Variants in SREK1IP1 observed in about 807,000 individuals in gnomAD.
SREK1IP1 encodes the protein SREK1 interacting protein 1, also known as protein SREK1IP1.
A neutral mutation model predicts 22.8 loss-of-function variants in SREK1IP1; 12 were observed. That is an observed-to-expected ratio of 0.53 (90% CI 0.34 to 0.85). The LOEUF (loss-of-function observed/expected upper bound fraction) is 0.85. Ranked by LOEUF, SREK1IP1 falls within the 40% of genes least tolerant of loss-of-function variation. The probability of loss-of-function intolerance (pLI) is 0.02; values close to 1 mark genes in which losing one functional copy is unlikely to be tolerated. For synonymous variants in SREK1IP1, 53 were observed against 52.7 expected (o/e 1.01, Z -0.02); for missense variants, 147 against 171.8 (o/e 0.86, Z 0.81).
At position 64,735,053 on chromosome 5, in the gene SREK1IP1, T is replaced by G. The variant is rs150380223; in HGVS notation, c.205+6004A>C. ...TGTAACATTTTGGTTTTTTATAGAT[T>G]TTGTATGAAGTTAATGAAGTTCTCT... is the stretch of plus-strand genomic sequence containing the variant. On this transcript the variant is annotated intron_variant, in intron 3 of 4. Coordinates refer to ENST00000513458, the MANE Select transcript of SREK1IP1 (RefSeq NM_173829.4). Among the ~76,000 whole-genome samples, 609 of 152,178 alleles carry G rather than the reference T, an allele frequency of 4.0e-3. 2 individuals carry two copies. Among genetic ancestry groups the G allele is most frequent in the African/African-American group, 0.014 (567 of 41,564 alleles).
intron 3 of SREK1IP1, among the ~76,000 whole-genome samples, chr5:64,728,416 C>T (rs1209238627): frequency 6.6e-6 from 1 of 151,896 alleles, no homozygotes; most frequent in Admixed American, 6.6e-5. Flanking sequence ...ATGCAAGTAC[C>T]CCACCTCTAA....
chr5:64,726,351 G>A (rs535994116), intron 4 of SREK1IP1, among the ~76,000 whole-genome samples: 11 of 151,956 alleles, frequency 7.2e-5, no homozygotes, highest in African/African-American at 2.4e-4. Flanking sequence ...TGAGGCAGGC[G>A]GATCACAAGG....
At chr5:64,726,419 CA>C (rs1446572561) in intron 4 of SREK1IP1, among the ~76,000 whole-genome samples, 2 of 151,482 alleles carry the variant, frequency 1.3e-5, no homozygotes, top group African/African-American at 2.4e-5. Context: ...ACTAAAAATA[CA>C]AAAAAATTAG....
In SREK1IP1 at chr5:64,718,413, AT is replaced by A. The variant is rs564652125; in HGVS notation, c.*5970del. 357 of 154,592 alleles carry A rather than the reference AT, an allele frequency of 2.3e-3. 1 individual carries two copies. The highest frequency in any genetic ancestry group is 7.5e-3 in the African/African-American group (311 of 41,650). The allele number at this position is 154,592 out of a possible 1,614,324, so 9.6% of individuals were successfully genotyped here. On this transcript the variant is annotated 3_prime_UTR_variant, in exon 5 of 5. Transcript: ENST00000513458. ...TTATGAGATGGTACTGGATAGGTAA[AT>A]ATCAAGGGAACTGTCTTAAAAACTA...
In SREK1IP1 at chr5:64,724,170, C is replaced by T. The variant is rs1290406082; in HGVS notation, c.*214G>A. The T allele has an allele frequency of 4.9e-6, 2 of 410,670 alleles. No individual in the cohort carries two copies. The highest frequency in any genetic ancestry group is 4.1e-5 in the African/African-American group (2 of 48,668). The allele number at this position is 410,670 out of a possible 1,614,324, so 25.4% of individuals were successfully genotyped here. ...TATACACAAATAGCTATACTTGGGG[C>T]ATGGCTATCAAGTAACAAGACTGAT... is the stretch of plus-strand genomic sequence containing the variant. On this transcript the variant is annotated 3_prime_UTR_variant, in exon 5 of 5. Coordinates refer to ENST00000513458, the MANE Select transcript of SREK1IP1 (RefSeq NM_173829.4).
intron 1 of SREK1IP1, among the ~76,000 whole-genome samples, chr5:64,758,916 AATT>A (rs1163946017): frequency 6.6e-6 from 1 of 152,220 alleles, no homozygotes; most frequent in African/African-American, 2.4e-5. Context: ...TCTTTGGTTA[AATT>A]ATTATTTCAG....
At chr5:64,765,519 G>A (rs1171836953) in intron 1 of SREK1IP1, among the ~76,000 whole-genome samples, 3 of 152,126 alleles carry the variant, frequency 2.0e-5, no homozygotes, top group Non-Finnish European at 2.9e-5. Context: ...TTAATACCCT[G>A]TCTGGATCGA....
chr5:64,764,462 G>C (rs972728207), intron 1 of SREK1IP1, among the ~76,000 whole-genome samples: 1 of 152,168 alleles, frequency 6.6e-6, no homozygotes, highest in Non-Finnish European at 1.5e-5. Flanking sequence ...GAGGTTCACA[G>C]AATAATTGGC....
intron 3 of SREK1IP1, among the ~76,000 whole-genome samples, chr5:64,732,970 A>G (rs1742403267): frequency 6.6e-6 from 1 of 152,106 alleles, no homozygotes; most frequent in African/African-American, 2.4e-5. Flanking sequence ...ACTTTTTAAG[A>G]AATGGTGTTG....
At chr5:64,747,973 C>T (rs1742672091) in intron 2 of SREK1IP1, among the ~76,000 whole-genome samples, 1 of 152,028 alleles carries the variant, frequency 6.6e-6, no homozygotes, top group Admixed American at 6.6e-5. Context: ...TCAAAAAAAT[C>T]AACATAGTAA....
intron 4 of SREK1IP1, among the ~76,000 whole-genome samples, chr5:64,727,344 CAGTT>C (rs943134880): frequency 2.2e-5 from 3 of 135,992 alleles, no homozygotes; most frequent in Non-Finnish European, 4.4e-5. Flanking sequence ...CTTCTTTAAC[CAGTT>C]AGTTTTTAAA....
intron 4 of SREK1IP1, among the ~76,000 whole-genome samples, chr5:64,725,369 A>C (rs568410696): frequency 2.0e-5 from 3 of 152,322 alleles, no homozygotes; most frequent in Admixed American, 6.5e-5. Flanking sequence ...TCAAACTCAA[A>C]ATATGAGTGA....
chr5:64,730,918 C>A (rs966292224), intron 3 of SREK1IP1, among the ~76,000 whole-genome samples: 1 of 151,558 alleles, frequency 6.6e-6, no homozygotes, highest in Non-Finnish European at 1.5e-5. Flanking sequence ...AAGGCAGTTA[C>A]AGATATTTGC....
chr5:64,724,403 G>T lies in SREK1IP1; in HGVS notation c.449C>A (p.Ser150Tyr). The T allele has an allele frequency of 6.4e-7, 1 of 1,559,516 alleles. No homozygotes were observed. The highest frequency in any genetic ancestry group is 1.3e-5 in the South Asian group (1 of 79,964). ...TCTCAGTTACTTTCTGGAGAATTCA[G>T]AACTATTAGGTGTAGAAGAATGCTT... ...KEKHSSTPNS[S>Y]EFSRK The change falls in exon 5 of 5, where the codon TCT becomes TAT. Residue 150 changes from serine to tyrosine, a missense_variant. Transcript: ENST00000513458.
At chr5:64,747,192 T>G (rs1173543781) in intron 2 of SREK1IP1, among the ~76,000 whole-genome samples, 1 of 152,168 alleles carries the variant, frequency 6.6e-6, no homozygotes, top group African/African-American at 2.4e-5. Context: ...TAGGCGTGAT[T>G]GATTCAATCA....
At chr5:64,757,551 A>C (rs1742864167) in intron 1 of SREK1IP1, among the ~76,000 whole-genome samples, 1 of 152,244 alleles carries the variant, frequency 6.6e-6, no homozygotes, top group East Asian at 1.9e-4. Flanking sequence ...CATTGCATCC[A>C]GCTGATCTGA....
chr5:64,736,445 A>T (rs1742463622), intron 3 of SREK1IP1, among the ~76,000 whole-genome samples: 1 of 151,794 alleles, frequency 6.6e-6, no homozygotes, highest in Non-Finnish European at 1.5e-5. Flanking sequence ...ATTTGTTAGT[A>T]GGTGCATAAA....
At position 64,728,089 on chromosome 5, in the gene SREK1IP1, A is replaced by C; in HGVS notation, c.278+18T>G. The C allele has an allele frequency of 7.4e-7, 1 of 1,356,604 alleles. No individual in the cohort carries two copies. The highest frequency in any genetic ancestry group is 9.6e-7 in the Non-Finnish European group (1 of 1,044,516). 84.0% of individuals were successfully genotyped at this position (1,356,604 alleles called of 1,614,324 possible). A position where few individuals can be genotyped will look rare whatever the true frequency, so the allele number is the denominator to read the frequency against. On this transcript the variant is annotated intron_variant, in intron 4 of 4. Coordinates refer to ENST00000513458, the MANE Select transcript of SREK1IP1 (RefSeq NM_173829.4). ...TCATAGGCCTGCTTTGTTTTTTAAA[A>C]TGTTGTTCAAAAAATACCTTTTCCT...
intron 2 of SREK1IP1, among the ~76,000 whole-genome samples, chr5:64,747,222 T>C (rs1469912327): frequency 6.6e-6 from 1 of 152,182 alleles, no homozygotes; most frequent in Non-Finnish European, 1.5e-5. Flanking sequence ...GGTGATTAAA[T>C]TCAATCTCTA....
Sources: allele counts gnomAD v4.1 joint callset (sites outside exome capture counted in the v4.1 genomes callset), GRCh38; gene constraint gnomAD v4.1.1; transcripts MANE v1.5; gene names NCBI Gene and HGNC (gene_info 2026-07-23, HGNC 2026-07-21).